Variants in SEL1L2 observed in about 807,000 individuals in gnomAD.
SEL1L2 encodes the protein protein sel-1 homolog 2.
SEL1L2 carries 89 observed loss-of-function variants against 98.8 expected under a neutral mutation model. That is an observed-to-expected ratio of 0.90 (90% CI 0.76 to 1.07). The LOEUF is 1.07. Ranked by LOEUF, SEL1L2 falls within the 50% of genes least tolerant of loss-of-function variation. The pLI is 0.00. For missense variants in SEL1L2, 788 were observed against 812.0 expected (o/e 0.97, Z 0.36); for synonymous variants, 262 against 278.5 (o/e 0.94, Z 0.59).
intron 3 of SEL1L2, among the ~76,000 whole-genome samples, chr20:13,922,240 T>C (rs779760323): frequency 5.3e-5 from 8 of 152,364 alleles, no homozygotes; most frequent in Admixed American, 2.0e-4. Flanking sequence ...TAATGCAATT[T>C]TTTTTACCAT....
chr20:13,885,495 T>C (rs1358514736), intron 9 of SEL1L2, 92 bp from the exon 10 acceptor site: 5 of 843,804 alleles, frequency 5.9e-6, no homozygotes, highest in Non-Finnish European at 8.2e-6. Flanking sequence ...AGTATGTTGA[T>C]TGTTGGACAC....
intron 18 of SEL1L2, among the ~76,000 whole-genome samples, chr20:13,852,113 T>C (rs1449612577): frequency 6.6e-6 from 1 of 152,224 alleles, no homozygotes; most frequent in Non-Finnish European, 1.5e-5. Flanking sequence ...ACAGCTTTCA[T>C]GCTGCACACG....
At chr20:13,886,226 A>G (rs2046947803) in intron 9 of SEL1L2, 62 bp downstream of exon 9, 32 of 1,286,358 alleles carry the variant, frequency 2.5e-5, no homozygotes, top group Non-Finnish European at 3.5e-5. Context: ...CAGGACTCAG[A>G]AAGAATTAAG....
At chr20:13,889,394 A>T (rs2047106778) in intron 5 of SEL1L2, among the ~76,000 whole-genome samples, 1 of 152,218 alleles carries the variant, frequency 6.6e-6, no homozygotes, top group South Asian at 2.1e-4. Flanking sequence ...ATATACATGA[A>T]TATAGGCTAA....
chr20:13,879,966 C>A (rs1288599484), intron 10 of SEL1L2, among the ~76,000 whole-genome samples: 1 of 152,154 alleles, frequency 6.6e-6, no homozygotes, highest in Non-Finnish European at 1.5e-5. Flanking sequence ...TCTCACGGCA[C>A]CTCATCCTGT....
chr20:13,947,438 A>G (rs1280321578), intron 2 of SEL1L2, among the ~76,000 whole-genome samples: 2 of 152,232 alleles, frequency 1.3e-5, no homozygotes, highest in African/African-American at 4.8e-5. Flanking sequence ...GCCTGCGGAA[A>G]GGAGCTACCC....
intron 2 of SEL1L2, among the ~76,000 whole-genome samples, chr20:13,940,149 G>A (rs1361568308): frequency 3.5e-4 from 53 of 152,134 alleles, no homozygotes; most frequent in Admixed American, 3.5e-3. Context: ...AAATGAACAA[G>A]TTAGTATCAG....
At chr20:13,984,832 A>G (rs901236663) in intron 1 of SEL1L2, among the ~76,000 whole-genome samples, 2 of 152,066 alleles carry the variant, frequency 1.3e-5, no homozygotes, top group Admixed American at 1.3e-4. Context: ...ACATATAATA[A>G]TTGTACATAT....
chr20:13,937,641 C>T (rs2049521721), intron 2 of SEL1L2, among the ~76,000 whole-genome samples: 1 of 152,190 alleles, frequency 6.6e-6, no homozygotes, highest in African/African-American at 2.4e-5. Flanking sequence ...AATTCTGCAA[C>T]AGTAGCTCAC....
intron 1 of SEL1L2, among the ~76,000 whole-genome samples, chr20:13,967,489 T>C (rs1307647628): frequency 6.6e-6 from 1 of 152,220 alleles, no homozygotes; most frequent in Non-Finnish European, 1.5e-5. Context: ...GACAGATCTC[T>C]GGTTATAATA....
chr20:13,885,120 T>C (rs1429450572), intron 10 of SEL1L2, among the ~76,000 whole-genome samples: 1 of 152,132 alleles, frequency 6.6e-6, no homozygotes, highest in Non-Finnish European at 1.5e-5. Context: ...CCTCGATTGC[T>C]CCTCAGAAGT....
At chr20:13,879,164 C>T (rs776514904) in intron 10 of SEL1L2, among the ~76,000 whole-genome samples, 1 of 152,074 alleles carries the variant, frequency 6.6e-6, no homozygotes, top group African/African-American at 2.4e-5. Flanking sequence ...GACAAGTCAC[C>T]AGTACAGAGG....
At chr20:13,878,728 A>G (rs2046553112) in intron 10 of SEL1L2, among the ~76,000 whole-genome samples, 1 of 152,112 alleles carries the variant, frequency 6.6e-6, no homozygotes, top group African/African-American at 2.4e-5. Flanking sequence ...TCCAATCTTC[A>G]TTTACCCTTT....
intron 1 of SEL1L2, among the ~76,000 whole-genome samples, chr20:13,983,885 C>A (rs2045700361): frequency 6.6e-6 from 1 of 151,988 alleles, no homozygotes; most frequent in East Asian, 1.9e-4. Context: ...TCTCTATACA[C>A]CCACAATTAA....
chr20:13,874,669 T>C (rs542637931), intron 12 of SEL1L2, among the ~76,000 whole-genome samples: 1 of 152,266 alleles, frequency 6.6e-6, no homozygotes, highest in Admixed American at 6.5e-5. Flanking sequence ...GAGCAACAAT[T>C]CCATATAAAT....
chr20:13,939,113 A>G (rs2049623662), intron 2 of SEL1L2, among the ~76,000 whole-genome samples: 1 of 140,442 alleles, frequency 7.1e-6, no homozygotes, highest in African/African-American at 2.7e-5. Flanking sequence ...GCGCAATCTC[A>G]GCTCACTGCA....
intron 1 of SEL1L2, among the ~76,000 whole-genome samples, chr20:13,962,703 G>A (rs1025765910): frequency 2.0e-5 from 3 of 152,170 alleles, no homozygotes; most frequent in African/African-American, 4.8e-5. Flanking sequence ...TGAAGCTAAG[G>A]TAGACCAATA....
chr20:13,873,137 T>G (rs2046280163), intron 12 of SEL1L2, among the ~76,000 whole-genome samples: 1 of 151,546 alleles, frequency 6.6e-6, no homozygotes, highest in Non-Finnish European at 1.5e-5. Flanking sequence ...ATTACAGGCA[T>G]GCACCCCCAT....
intron 5 of SEL1L2, among the ~76,000 whole-genome samples, chr20:13,903,556 G>A (rs1371584898): frequency 6.6e-6 from 1 of 152,148 alleles, no homozygotes; most frequent in Non-Finnish European, 1.5e-5. Context: ...CAACTGACTA[G>A]TCGAAGAAGT....
Sources: allele counts gnomAD v4.1 joint callset (sites outside exome capture counted in the v4.1 genomes callset), GRCh38; gene constraint gnomAD v4.1.1; transcripts MANE v1.5; gene names NCBI Gene and HGNC (gene_info 2026-07-23, HGNC 2026-07-21).